The following PLLP variants were observed in gnomAD, a reference collection of about 807,000 sequenced individuals.
PLLP encodes plasmolipin, also known as plasma membrane proteolipid (plasmolipin).
In PLLP, 15 loss-of-function variants were observed where a neutral mutation model predicts 19.7. The ratio of observed to expected loss-of-function variants is 0.76; its 90% CI spans 0.51 to 1.17. PLLP has a LOEUF of 1.17. Among genes scored for constraint, PLLP ranks in the 50% most tolerant of loss-of-function variants. The probability of loss-of-function intolerance (pLI) is 0.00; values close to 1 mark genes in which losing one functional copy is unlikely to be tolerated. For missense variants in PLLP, 255 were observed against 258.3 expected (o/e 0.99, Z 0.09); for synonymous variants, 111 against 116.3 (o/e 0.95, Z 0.29).
chr16:57,261,818 C>G, intron 2 of PLLP, 79 bp downstream of exon 2: 1 of 1,342,532 alleles, frequency 7.4e-7, no homozygotes, highest in Admixed American at 1.7e-5. Context: ...AGGCCACCCC[C>G]CCACACCCTG....
In PLLP at chr16:57,284,465, G is replaced by A; in HGVS notation, c.76C>T (p.Leu26=). 7.0e-7 allele frequency: 1 copy of A among 1,422,064 alleles called. No individual in the cohort carries two copies. The highest frequency in any genetic ancestry group is 1.4e-5 in the South Asian group (1 of 69,024). 88.1% of individuals were successfully genotyped at this position (1,422,064 alleles called of 1,614,324 possible). ...CGCACGAAGCCCAGGTCCGGGCGCA[G>A]CGCCGACACCGAGGCTTCGGCGCCC... ...AQGAEASVSA[L]RPDLGFVRSR... The change falls in exon 1 of 4, where the codon CTG becomes TTG. Residue 26 remains leucine, a synonymous_variant. Coordinates refer to ENST00000219207, the MANE Select transcript of PLLP (RefSeq NM_015993.3).
chr16:57,264,966 C>A (rs1404910755), intron 1 of PLLP, among the ~76,000 whole-genome samples: 1 of 152,252 alleles, frequency 6.6e-6, no homozygotes, highest in African/African-American at 2.4e-5. Flanking sequence ...TCCCCCCAAC[C>A]CAAGTAAGGG....
Position 57,284,627 on chromosome 16 carries a change from C to G in PLLP, c.-87G>C, listed in dbSNP as rs1318512545. On this transcript the variant is annotated 5_prime_UTR_variant, in exon 1 of 4. Coordinates refer to ENST00000219207, the MANE Select transcript of PLLP (RefSeq NM_015993.3). Reference sequence around the variant, plus strand: ...TGCCGGCTCCCGCGCCGCTTTTCCCCCAGGCTCCGGATCCCTGTGTGGCTC... The same window carrying G: ...TGCCGGCTCCCGCGCCGCTTTTCCCGCAGGCTCCGGATCCCTGTGTGGCTC... The G allele has an allele frequency of 8.2e-7, 1 of 1,223,894 alleles. No individual in the cohort carries two copies. Among genetic ancestry groups the G allele is most frequent in the Non-Finnish European group, 1.0e-6 (1 of 964,114 alleles). 75.8% of individuals were successfully genotyped at this position (1,223,894 alleles called of 1,614,324 possible). A position where few individuals can be genotyped will look rare whatever the true frequency, so the allele number is the denominator to read the frequency against.
At position 57,257,270 on chromosome 16, in the gene PLLP, G is replaced by T. The variant is rs1473988283; in HGVS notation, c.433-241C>A. 2.6e-5 allele frequency among the ~76,000 whole-genome samples: 4 copies of T among 152,152 alleles called. 1 individual carries two copies. Among genetic ancestry groups the T allele is most frequent in the Admixed American group, 6.5e-5 (1 of 15,270 alleles). ...GCAGGGCCTGTCAGATTGTGATAAG[G>T]GCAATGAAGGAGAAGATAAGAGTGA... On this transcript the variant is annotated intron_variant, in intron 3 of 3. Coordinates refer to ENST00000219207, the MANE Select transcript of PLLP (RefSeq NM_015993.3).
chr16:57,258,346 T>C, intron 3 of PLLP, 116 bp downstream of exon 3: 12 of 1,011,936 alleles, frequency 1.2e-5, no homozygotes, highest in Non-Finnish European at 1.6e-5. Flanking sequence ...CCACTGAGTG[T>C]TCAGGTGACA....
chr16:57,260,740 A>G (rs1252963650), intron 2 of PLLP, among the ~76,000 whole-genome samples: 2 of 151,292 alleles, frequency 1.3e-5, no homozygotes, highest in Admixed American at 6.6e-5. Flanking sequence ...GGTACTTCCC[A>G]TGTCCGCTCT....
At chr16:57,264,374 T>C (rs1567529999) in intron 1 of PLLP, among the ~76,000 whole-genome samples, 1 of 152,216 alleles carries the variant, frequency 6.6e-6, no homozygotes, top group Non-Finnish European at 1.5e-5. Context: ...ACCGAGTACC[T>C]TCCCTGCTCT....
intron 1 of PLLP, among the ~76,000 whole-genome samples, chr16:57,271,289 C>T (rs1300140108): frequency 2.0e-5 from 3 of 152,094 alleles, no homozygotes; most frequent in African/African-American, 7.2e-5. Context: ...CCACCTCATC[C>T]TTGCTGTGAG....
chr16:57,265,147 G>A (rs946036807), intron 1 of PLLP, among the ~76,000 whole-genome samples: 4 of 152,252 alleles, frequency 2.6e-5, no homozygotes, highest in African/African-American at 9.6e-5. Flanking sequence ...CCAGGTGAGG[G>A]TAGGCAGGTG....
At chr16:57,276,634 T>C (rs1901158155) in intron 1 of PLLP, among the ~76,000 whole-genome samples, 1 of 149,798 alleles carries the variant, frequency 6.7e-6, no homozygotes. Flanking sequence ...AAAATAACAC[T>C]ACATTGACCT....
At chr16:57,258,761 AAAT>A (rs1438548964) in intron 2 of PLLP, among the ~76,000 whole-genome samples, 177 bp from the exon 3 acceptor site, 4 of 151,714 alleles carry the variant, frequency 2.6e-5, no homozygotes, top group African/African-American at 9.7e-5. Flanking sequence ...ATCTCTACAA[AAAT>A]AAAAAAGTTA....
intron 1 of PLLP, among the ~76,000 whole-genome samples, chr16:57,270,308 C>T (rs1438048182): frequency 7.1e-6 from 1 of 140,894 alleles, no homozygotes; most frequent in African/African-American, 2.7e-5. Context: ...CTTCCCCAGC[C>T]CCTGAGTCCA....
At chr16:57,262,180 G>A (rs2075444019) in intron 1 of PLLP, 110 bp from the exon 2 acceptor site, 4 of 1,019,366 alleles carry the variant, frequency 3.9e-6, no homozygotes, top group Admixed American at 4.2e-5. Flanking sequence ...TCAGCACTTT[G>A]GGAGCCCAAG....
chr16:57,269,071 C>T lies in PLLP; in HGVS notation c.136-7001G>A, dbSNP rs140071082. Among the ~76,000 whole-genome samples the T allele has an allele frequency of 1.3e-4, 20 of 152,316 alleles. No individual in the cohort carries two copies. In the East Asian group the frequency reaches 3.7e-3, roughly 28 times the overall value. On this transcript the variant is annotated intron_variant, in intron 1 of 3. Coordinates refer to ENST00000219207, the MANE Select transcript of PLLP (RefSeq NM_015993.3). ...GAAATCCAGCCCAGCCCTCAGATCT[C>T]CCTTGGAGCTGCACTCCCTCAGCTC...
At chr16:57,279,499 C>T (rs1043394607) in intron 1 of PLLP, among the ~76,000 whole-genome samples, 1 of 151,606 alleles carries the variant, frequency 6.6e-6, no homozygotes, top group African/African-American at 2.4e-5. Flanking sequence ...ATGATGAAAT[C>T]CCATCTTTAC....
At chr16:57,272,047 T>C (rs2075477549) in intron 1 of PLLP, among the ~76,000 whole-genome samples, 1 of 152,114 alleles carries the variant, frequency 6.6e-6, no homozygotes, top group Admixed American at 6.5e-5. Context: ...GGTGGAGCCC[T>C]GCATTCATTC....
chr16:57,261,149 GGC>G (rs1567529087), intron 2 of PLLP, among the ~76,000 whole-genome samples: 1 of 151,778 alleles, frequency 6.6e-6, no homozygotes, highest in Non-Finnish European at 1.5e-5. Flanking sequence ...CACCACACCT[GGC>G]TAATTGTTGT....
chr16:57,283,865 G>C (rs991469007), intron 1 of PLLP, among the ~76,000 whole-genome samples: 6 of 152,172 alleles, frequency 3.9e-5, no homozygotes, highest in Admixed American at 2.0e-4. Flanking sequence ...TTGGGGAGTC[G>C]GATGTGCCCT....
At chr16:57,264,285 G>C (rs1409211336) in intron 1 of PLLP, among the ~76,000 whole-genome samples, 1 of 152,234 alleles carries the variant, frequency 6.6e-6, no homozygotes, top group Non-Finnish European at 1.5e-5. Flanking sequence ...TCTGGCTTGG[G>C]AAGGGTATGG....
Sources: allele counts gnomAD v4.1 joint callset (sites outside exome capture counted in the v4.1 genomes callset), GRCh38; gene constraint gnomAD v4.1.1; transcripts MANE v1.5; gene names NCBI Gene and HGNC (gene_info 2026-07-23, HGNC 2026-07-21).